Variants in KRT37 observed in about 807,000 individuals in gnomAD.
KRT37 encodes keratin, type I cuticular Ha7.
KRT37 carries 38 observed loss-of-function variants against 41.9 expected under a neutral mutation model. That is an observed-to-expected ratio of 0.91 (90% CI 0.70 to 1.19). The LOEUF is 1.19. Ranked by LOEUF, KRT37 falls within the 50% of genes most tolerant of loss-of-function variation. The probability of loss-of-function intolerance (pLI) is 0.00; values close to 1 mark genes in which losing one functional copy is unlikely to be tolerated. For synonymous variants in KRT37, 252 were observed against 243.4 expected, an observed-to-expected ratio of 1.04 and a Z score of -0.33; for missense variants, 580 against 575.5, an observed-to-expected ratio of 1.01 and a Z score of -0.08.
rs370149851 is a variant in KRT37 at position 41,421,378 on chromosome 17, G to A, written c.1230C>T (p.Ser410=). ...CAGATCACACGTACTTGCAGTCCTC[G>A]CTCTCCAGAAGGTTCCGGTATGTGG... is the stretch of plus-strand genomic sequence containing the variant. The part of the protein sequence containing the change: ...EIATYRNLLE[S]EDCKLPCNPC... Residue 410 remains serine, a synonymous_variant, in exon 6 of 7, where the codon AGC becomes AGT. Coordinates refer to ENST00000225550, the MANE Select transcript of KRT37 (RefSeq NM_003770.5). 2.0e-5 allele frequency: 32 copies of A among 1,614,144 alleles called. No homozygotes were observed. In the African/African-American group the frequency reaches 3.3e-4, roughly 17 times the overall value.
intron 3 of KRT37, 43 bp from the exon 4 acceptor site, chr17:41,422,477 C>A (rs1212406040): frequency 6.2e-7 from 1 of 1,606,854 alleles, no homozygotes; most frequent in Non-Finnish European, 8.5e-7. Context: ...AAGGAAACGG[C>A]CTTTGATGGA....
rs767951288 is a variant in KRT37 at position 41,422,061 on chromosome 17, A to G, written c.1020+8T>C. 1 of 1,614,212 alleles carries G rather than the reference A, an allele frequency of 6.2e-7. No individual in the cohort carries two copies. Among genetic ancestry groups the G allele is most frequent in the South Asian group, 1.1e-5 (1 of 91,086 alleles). ...ATTTGCAGTGCAGTGAGGGTGAAGG[A>G]CACGTACCAAGGTGTGCTGGGCTTG... On this transcript the variant is annotated splice_region_variant and intron_variant, in intron 5 of 6. Transcript: ENST00000225550.
At position 41,422,389 on chromosome 17, in the gene KRT37, C is replaced by G. The variant is rs767042441; in HGVS notation, c.778G>C (p.Glu260Gln). Residue 260 changes from glutamate to glutamine, a missense_variant, in exon 4 of 7, where the codon GAG becomes CAG. Transcript: ENST00000225550. ...RSQLGEKFRIELDIEPTIDLN... is the reference protein window; with the variant it reads ...RSQLGEKFRIQLDIEPTIDLN... ...TCAATGGTGGGCTCAATGTCCAGCT[C>G]GATCCGGAACTTCTCCCCCAGCTGA... 2.9e-5 allele frequency: 47 copies of G among 1,614,068 alleles called. No individual in the cohort carries two copies. The highest frequency in any genetic ancestry group is 5.0e-5 in the Admixed American group (3 of 60,004).
chr17:41,422,274 T>C lies in KRT37; in HGVS notation c.893A>G (p.Gln298Arg). 6.2e-7 allele frequency: 1 copy of C among 1,614,040 alleles called. No homozygotes were observed. Among genetic ancestry groups the C allele is most frequent in the Non-Finnish European group, 8.5e-7 (1 of 1,179,942 alleles). ...CCTGGCTCTGTAACCCCCACTCACC[T>C]GGGCTTGGAACCACTGTTCCACATC... The part of the protein sequence containing the change: ...HQDVEQWFQA[Q>R]SEGISLQAMS... Residue 298 changes from glutamine (Q) to arginine (R), a missense_variant and splice_region_variant, in exon 4 of 7, where the codon CAG (glutamine) becomes CGG (arginine). By Grantham distance (43) the Gln-to-Arg change is conservative (BLOSUM62 1). Transcript: ENST00000225550.
At chr17:41,423,343 C>A in intron 2 of KRT37, 2 of 238,810 alleles carry the variant, frequency 8.4e-6, no homozygotes, top group Non-Finnish European at 8.0e-6. Context: ...TGCTTTTCCC[C>A]TTCATTCAAG....
chr17:41,422,726 TC>T lies in KRT37; in HGVS notation c.732+51del. 4.8e-6 allele frequency: 7 copies of T among 1,464,830 alleles called. 1 individual carries two copies. Among genetic ancestry groups the T allele is most frequent in the Non-Finnish European group, 6.4e-6 (7 of 1,090,316 alleles). 90.7% of individuals were successfully genotyped at this position (1,464,830 alleles called of 1,614,324 possible). A position where few individuals can be genotyped will look rare whatever the true frequency, so the allele number is the denominator to read the frequency against. Reference sequence around the variant, plus strand: ...TCTGAGAGCCCCAGGGCCGGGGAGCTCCCCTGTCTGCCCAGCGCCCTCCCCA... The same window carrying T: ...TCTGAGAGCCCCAGGGCCGGGGAGCTCCCTGTCTGCCCAGCGCCCTCCCCA... On this transcript the variant is annotated intron_variant, in intron 3 of 6. Coordinates refer to ENST00000225550, the MANE Select transcript of KRT37 (RefSeq NM_003770.5).
At chr17:41,422,246 C>G in intron 4 of KRT37, 27 bp downstream of exon 4, 2 of 1,613,754 alleles carry the variant, frequency 1.2e-6, no homozygotes, top group Non-Finnish European at 1.7e-6. Context: ...AGGCCAGGTA[C>G]TCCCTGGCTC....
At position 41,422,350 on chromosome 17, in the gene KRT37, A is replaced by G. The variant is rs777095958; in HGVS notation, c.817T>C (p.Leu273=). 2.5e-5 allele frequency: 40 copies of G among 1,613,884 alleles called. No individual in the cohort carries two copies. Among genetic ancestry groups the G allele is most frequent in the South Asian group, 1.1e-4 (10 of 91,076 alleles). Residue 273 remains leucine (L), a synonymous_variant, in exon 4 of 7, where the codon TTG becomes CTG. Transcript: ENST00000225550. ...TCGTACTGAGCCCGCATCTCCCCCA[A>G]CACCCTGTTCAGGTCAATGGTGGGC... ...IEPTIDLNRV[L]GEMRAQYEAM... is the part of the protein sequence containing the mutation.
chr17:41,423,009 C>T, intron 2 of KRT37, 75 bp from the exon 3 acceptor site: 1 of 1,530,622 alleles, frequency 6.5e-7, no homozygotes, highest in South Asian at 1.2e-5. Flanking sequence ...TTCCTACCTC[C>T]CACACCACCT....
At position 41,420,838 on chromosome 17, in the gene KRT37, A is replaced by C. The variant is rs745698408; in HGVS notation, c.*40T>G. The C allele has an allele frequency of 4.9e-6, 7 of 1,414,276 alleles. No individual in the cohort carries two copies. The highest frequency in any genetic ancestry group is 2.3e-5 in the East Asian group (1 of 43,826). The allele number at this position is 1,414,276 out of a possible 1,614,324, so 87.6% of individuals were successfully genotyped here. Reference sequence around the variant, plus strand: ...GCAAGGTGAGGGCACTCCTGACCCCAGTGCAACCAGCCTCAATCTCCTAAC... The same window carrying C: ...GCAAGGTGAGGGCACTCCTGACCCCCGTGCAACCAGCCTCAATCTCCTAAC... On this transcript the variant is annotated 3_prime_UTR_variant, in exon 7 of 7. Transcript: ENST00000225550.
In KRT37 at chr17:41,420,739, A is replaced by G. The variant is rs2018527585; in HGVS notation, c.*139T>C. The G allele has an allele frequency of 7.1e-6, 4 of 559,968 alleles. No individual in the cohort carries two copies. The highest frequency in any genetic ancestry group is 5.6e-5 in the African/African-American group (3 of 53,572). 34.7% of individuals were successfully genotyped at this position (559,968 alleles called of 1,614,324 possible). A position where few individuals can be genotyped will look rare whatever the true frequency, so the allele number is the denominator to read the frequency against. On this transcript the variant is annotated 3_prime_UTR_variant, in exon 7 of 7. Coordinates refer to ENST00000225550, the MANE Select transcript of KRT37 (RefSeq NM_003770.5). ...AGCTTAGAGGCATAGGCAGGGAGCC[A>G]CTCCTTGGAAGTATCTGCTACCGGT...
chr17:41,421,327 G>A (rs533270503), intron 6 of KRT37, 40 bp downstream of exon 6: 4 of 1,597,828 alleles, frequency 2.5e-6, no homozygotes, highest in Middle Eastern at 1.7e-4. Flanking sequence ...TTGCCTGACA[G>A]TCATGTGTGT....
chr17:41,423,013 A>G lies in KRT37; in HGVS notation c.576-79T>C, dbSNP rs1215724646. 2.6e-6 allele frequency: 4 copies of G among 1,512,946 alleles called. No individual in the cohort carries two copies. The East Asian group carries it at 6.8e-5, about 26-fold the overall frequency. 93.7% of individuals were successfully genotyped at this position (1,512,946 alleles called of 1,614,324 possible). A position where few individuals can be genotyped will look rare whatever the true frequency, so the allele number is the denominator to read the frequency against. On this transcript the variant is annotated intron_variant, in intron 2 of 6. Coordinates refer to ENST00000225550, the MANE Select transcript of KRT37 (RefSeq NM_003770.5). ...GCTGCCCTGGCTTCCTACCTCCCAC[A>G]CCACCTTGGATCCTTATTTGTTCAC...
chr17:41,422,551 T>C (rs1452294562), intron 3 of KRT37, 117 bp from the exon 4 acceptor site: 1 of 1,418,832 alleles, frequency 7.0e-7, no homozygotes, highest in African/African-American at 1.4e-5. Context: ...CATAAGCAAA[T>C]GGGAAAGTCT....
At position 41,420,650 on chromosome 17, in the gene KRT37, C is replaced by T. The variant is rs966862779; in HGVS notation, c.*228G>A. On this transcript the variant is annotated 3_prime_UTR_variant, in exon 7 of 7. Coordinates refer to ENST00000225550, the MANE Select transcript of KRT37 (RefSeq NM_003770.5). ...TAGAACTAAAAGTACCAAGAAGAGA[C>T]ACCAGGAAAAATAATTGCTTTCATG... 2 of 451,136 alleles carry T rather than the reference C, an allele frequency of 4.4e-6. No individual in the cohort carries two copies. The highest frequency in any genetic ancestry group is 7.8e-6 in the Non-Finnish European group (2 of 256,422). The allele number at this position is 451,136 out of a possible 1,614,324, so 27.9% of individuals were successfully genotyped here.
In KRT37 at chr17:41,424,164, C is replaced by T; in HGVS notation, c.360G>A (p.Glu120=). The T allele has an allele frequency of 6.2e-7, 1 of 1,614,260 alleles. No homozygotes were observed. Among genetic ancestry groups the T allele is most frequent in the Non-Finnish European group, 8.5e-7 (1 of 1,180,058 alleles). ...TCTCCTGCTCCAGCTGGCGCACCTT[C>T]TCCAGGTAGTTGGCCAGGCGGTCAT... ...FLNDRLANYL[E]KVRQLEQENA... Residue 120 remains glutamate, a synonymous_variant, in exon 1 of 7, where the codon GAG becomes GAA. Transcript: ENST00000225550.
At chr17:41,422,635 A>G in intron 3 of KRT37, 143 bp downstream of exon 3, 3 of 1,233,996 alleles carry the variant, frequency 2.4e-6, no homozygotes, top group Admixed American at 2.7e-5. Flanking sequence ...CTTTCCACAG[A>G]GGCCCTCTGG....
At position 41,422,097 on chromosome 17, in the gene KRT37, T is replaced by C; in HGVS notation, c.992A>G (p.Glu331Gly). The C allele has an allele frequency of 1.9e-6, 3 of 1,614,172 alleles. No individual in the cohort carries two copies. Among genetic ancestry groups the C allele is most frequent in the South Asian group, 1.1e-5 (1 of 91,080 alleles). The change falls in exon 5 of 7, where the codon GAG becomes GGG. Residue 331 changes from glutamate to glycine, a missense_variant. By Grantham distance (98) the Glu-to-Gly change is moderately conservative. Coordinates refer to ENST00000225550, the MANE Select transcript of KRT37 (RefSeq NM_003770.5). ...LELRCTVNAL[E>G]VERQAQHTLK... ...GGTGTGCTGGGCTTGGCGCTCCACC[T>C]CCAGGGCATTCACCGTGCATCTCAG...
At position 41,424,166 on chromosome 17, in the gene KRT37, C is replaced by G. The variant is rs1269869529; in HGVS notation, c.358G>C (p.Glu120Gln). The part of the protein sequence containing the change: ...FLNDRLANYL[E>Q]KVRQLEQENA... ...TCCTGCTCCAGCTGGCGCACCTTCT[C>G]CAGGTAGTTGGCCAGGCGGTCATTC... is the stretch of plus-strand genomic sequence containing the variant. Residue 120 changes from glutamate (E) to glutamine (Q), a missense_variant, in exon 1 of 7, where the codon GAG becomes CAG. By Grantham distance (29) the Glu-to-Gln change is conservative. Transcript: ENST00000225550. 1.2e-6 allele frequency: 2 copies of G among 1,614,246 alleles called. No homozygotes were observed. The highest frequency in any genetic ancestry group is 1.7e-6 in the Non-Finnish European group (2 of 1,180,030).
Sources: allele counts gnomAD v4.1 joint callset, GRCh38; gene constraint gnomAD v4.1.1; transcripts MANE v1.5; gene names NCBI Gene and HGNC (gene_info 2026-07-23, HGNC 2026-07-21).